The following DPP6 variants were observed in gnomAD, a reference collection of about 807,000 sequenced individuals.
The protein encoded by DPP6 is dipeptidyl peptidase like 6.
A neutral mutation model predicts 122.6 loss-of-function variants in DPP6; 69 were observed. The observed-to-expected ratio is 0.56, with a 90% CI of 0.46 to 0.69. The LOEUF is 0.69. Among genes scored for constraint, DPP6 ranks in the 30% least tolerant of loss-of-function variants. The probability of loss-of-function intolerance (pLI) is 0.00; values close to 1 mark genes in which losing one functional copy is unlikely to be tolerated. For synonymous variants in DPP6, 418 were observed against 433.1 expected, an observed-to-expected ratio of 0.97 and a Z score of 0.43; for missense variants, 928 against 1,116.9, an observed-to-expected ratio of 0.83 and a Z score of 2.41.
chr7:154,867,204 A>C (rs1803948657), intron 17 of DPP6, among the ~76,000 whole-genome samples: 1 of 152,146 alleles, frequency 6.6e-6, no homozygotes, highest in South Asian at 2.1e-4. Flanking sequence ...GGGAGAAAGG[A>C]AGTTGGGTGG....
intron 1 of DPP6, among the ~76,000 whole-genome samples, chr7:154,280,995 A>ATTTT (rs1804469314): frequency 1.8e-5 from 1 of 55,964 alleles, no homozygotes; most frequent in South Asian, 8.9e-4. Flanking sequence ...TTATTTATTT[A>ATTTT]TTTATTTATT....
intron 22 of DPP6, among the ~76,000 whole-genome samples, chr7:154,886,622 C>G (rs1435329196): frequency 6.6e-6 from 1 of 152,154 alleles, no homozygotes; most frequent in Non-Finnish European, 1.5e-5. Flanking sequence ...CCAGCTGTCC[C>G]CACCCTAAGC....
chr7:154,291,963 CAG>C (rs1805240449), intron 1 of DPP6, among the ~76,000 whole-genome samples: 1 of 152,104 alleles, frequency 6.6e-6, no homozygotes, highest in Admixed American at 6.6e-5. Flanking sequence ...CTATACACAT[CAG>C]GGGGCCAGTT....
At chr7:154,181,937 CGGG>C (rs1049100903) in intron 1 of DPP6, among the ~76,000 whole-genome samples, 1 of 151,824 alleles carries the variant, frequency 6.6e-6, no homozygotes, top group African/African-American at 2.4e-5. Flanking sequence ...TTAGTAGAGA[CGGG>C]GTTTGGTTTC....
chr7:154,011,653 T>G (rs570717741), intron 1 of DPP6, among the ~76,000 whole-genome samples: 1 of 152,210 alleles, frequency 6.6e-6, no homozygotes, highest in Admixed American at 6.5e-5. Flanking sequence ...AAAGAAATAT[T>G]TGTTTGGAAG....
intron 2 of DPP6, among the ~76,000 whole-genome samples, chr7:154,459,587 T>C (rs997548861): frequency 2.6e-5 from 4 of 151,984 alleles, no homozygotes; most frequent in African/African-American, 2.4e-5. Context: ...CTCAGCACTT[T>C]GGGAGGCCGA....
In DPP6 at chr7:154,301,499, A is replaced by C. The variant is rs1027534656; in HGVS notation, c.244-144715A>C. Among the ~76,000 whole-genome samples, 6 of 152,256 alleles carry C rather than the reference A, an allele frequency of 3.9e-5. 1 individual carries two copies. The highest frequency in any genetic ancestry group is 1.4e-4 in the African/African-American group (6 of 41,550). Reference sequence around the variant, plus strand: ...AGTCTTGTATTTTCTCTTGGTCTGCACAACTTTAGGGGGGGTAACACGTCC... The same window carrying C: ...AGTCTTGTATTTTCTCTTGGTCTGCCCAACTTTAGGGGGGGTAACACGTCC... On this transcript the variant is annotated intron_variant, in intron 1 of 25. Transcript: ENST00000377770.
At chr7:154,169,105 T>C (rs1257347715) in intron 1 of DPP6, among the ~76,000 whole-genome samples, 1 of 152,082 alleles carries the variant, frequency 6.6e-6, no homozygotes, top group African/African-American at 2.4e-5. Context: ...TGCTGGCTTC[T>C]CCACTTAGGG....
intron 1 of DPP6, among the ~76,000 whole-genome samples, chr7:154,139,617 G>A (rs562289355): frequency 2.6e-3 from 400 of 151,766 alleles, no homozygotes; most frequent in African/African-American, 8.8e-3. Flanking sequence ...GAAGGTGGCC[G>A]AGTGTCTGCT....
At chr7:154,510,043 G>C (rs143017763) in intron 3 of DPP6, among the ~76,000 whole-genome samples, 22 of 152,120 alleles carry the variant, frequency 1.4e-4, no homozygotes, top group South Asian at 6.2e-4. Flanking sequence ...CTGTGAATAC[G>C]TTAAAGACCA....
In DPP6 at chr7:154,036,918, G is replaced by A. The variant is rs559860442; in HGVS notation, c.51+149184G>A. Among the ~76,000 whole-genome samples, 1,499 of 152,280 alleles carry A rather than the reference G, an allele frequency of 9.8e-3. 10 individuals are homozygous for A. Among genetic ancestry groups the A allele is most frequent in the Non-Finnish European group, 0.015 (1,004 of 68,020 alleles). ...GCATCTACAGACCCAGCAGGCACAC[G>A]GTGGGTGAGTGGGCCTGGTCACCTG... On this transcript the variant is annotated intron_variant, in intron 1 of 25. Coordinates refer to the DPP6 transcript ENST00000404039.
At chr7:154,664,309 T>G (rs928972065) in intron 6 of DPP6, among the ~76,000 whole-genome samples, 2 of 152,272 alleles carry the variant, frequency 1.3e-5, no homozygotes, top group Admixed American at 1.3e-4. Context: ...CACTGCATAT[T>G]ATTTCCAGTT....
intron 1 of DPP6, among the ~76,000 whole-genome samples, chr7:154,246,264 A>C (rs62484159): frequency 0.23 from 34,651 of 151,982 alleles, 4,104 homozygotes; most frequent in Non-Finnish European, 0.24. Context: ...TGAGAAATTA[A>C]AGCTTTCATT....
intron 1 of DPP6, among the ~76,000 whole-genome samples, chr7:154,362,311 C>T (rs1811797056): frequency 6.6e-6 from 1 of 152,180 alleles, no homozygotes; most frequent in African/African-American, 2.4e-5. Flanking sequence ...GGGATTCCTG[C>T]CCTGCGGGTT....
At chr7:154,207,977 A>T (rs1320771400) in intron 1 of DPP6, among the ~76,000 whole-genome samples, 1 of 152,020 alleles carries the variant, frequency 6.6e-6, no homozygotes, top group African/African-American at 2.4e-5. Flanking sequence ...ATTTAAGAAT[A>T]TGTGTATTCC....
intron 3 of DPP6, among the ~76,000 whole-genome samples, chr7:154,527,406 C>T (rs1827490215): frequency 6.6e-6 from 1 of 152,064 alleles, no homozygotes; most frequent in Admixed American, 6.5e-5. Flanking sequence ...TTCTAGACTG[C>T]AGTGTGGATA....
chr7:153,813,010 G>A, the DPP6 span, among the ~76,000 whole-genome samples: 1 of 152,092 alleles, frequency 6.6e-6, no homozygotes, highest in Non-Finnish European at 1.5e-5. Context: ...AGTGCCTGGT[G>A]AGGAAATTTT....
intron 1 of DPP6, among the ~76,000 whole-genome samples, chr7:154,147,538 G>T (rs1305767779): frequency 1.3e-5 from 2 of 151,462 alleles, no homozygotes. Flanking sequence ...GGAGTGCAAT[G>T]GTGCAATCTC....
At chr7:154,572,441 G>T (rs188524992) in intron 5 of DPP6, among the ~76,000 whole-genome samples, 1 of 151,156 alleles carries the variant, frequency 6.6e-6, no homozygotes, top group East Asian at 1.9e-4. Context: ...CCATATTGTG[G>T]ACTAAATTAT....
Sources: gnomAD v4.1 joint callset for allele counts (sites outside exome capture counted in the v4.1 genomes callset) on GRCh38, gnomAD v4.1.1 for gene constraint, MANE v1.5 for transcripts, NCBI Gene and HGNC (gene_info 2026-07-23, HGNC 2026-07-21) for gene names.